The following PPP1R9A variants were observed in gnomAD, a reference collection of about 807,000 sequenced individuals.
PPP1R9A encodes the protein neurabin-1.
Under a neutral mutation model 141.9 loss-of-function variants are expected in PPP1R9A, and 59 were observed. The observed-to-expected ratio is 0.42, with a 90% CI of 0.34 to 0.52. PPP1R9A has a LOEUF of 0.52. Among genes scored for constraint, PPP1R9A ranks in the 20% least tolerant of loss-of-function variants. The pLI is 0.10. For synonymous variants in PPP1R9A, 500 were observed against 569.7 expected (o/e 0.88, Z 1.74); for missense variants, 1,444 against 1,611.9 (o/e 0.90, Z 1.78).
intron 2 of PPP1R9A, among the ~76,000 whole-genome samples, chr7:94,986,647 G>T (rs2151386074): frequency 6.6e-6 from 1 of 152,276 alleles, no homozygotes; most frequent in South Asian, 2.1e-4. Context: ...AAATGTTTGA[G>T]GTGCTGCATA....
intron 6 of PPP1R9A, among the ~76,000 whole-genome samples, chr7:95,199,895 T>C (rs1789158319): frequency 6.6e-6 from 1 of 152,152 alleles, no homozygotes; most frequent in Non-Finnish European, 1.5e-5. Flanking sequence ...TATTCTGAGA[T>C]TGTAGAATCA....
chr7:95,019,569 C>T (rs1268194704), intron 2 of PPP1R9A, among the ~76,000 whole-genome samples: 1 of 151,838 alleles, frequency 6.6e-6, no homozygotes, highest in African/African-American at 2.4e-5. Context: ...ACAGGACAAT[C>T]CAATTTTAAA....
At chr7:95,120,953 A>G (rs1822461994) in intron 4 of PPP1R9A, 121 bp downstream of exon 4, 2 of 1,300,376 alleles carry the variant, frequency 1.5e-6, no homozygotes, top group Non-Finnish European at 1.1e-6. Flanking sequence ...CAGGTTTCTC[A>G]GATGTGAAAA....
At chr7:95,022,868 G>A (rs980430551) in intron 2 of PPP1R9A, among the ~76,000 whole-genome samples, 17 of 152,124 alleles carry the variant, frequency 1.1e-4, no homozygotes, top group Non-Finnish European at 2.5e-4. Flanking sequence ...ATGTCCTGCT[G>A]GATTTGGTTT....
At chr7:95,010,790 C>T (rs1355595555) in intron 2 of PPP1R9A, among the ~76,000 whole-genome samples, 2 of 151,732 alleles carry the variant, frequency 1.3e-5, no homozygotes, top group African/African-American at 4.8e-5. Context: ...CTATTTGAAC[C>T]AGGTACTATT....
intron 2 of PPP1R9A, among the ~76,000 whole-genome samples, chr7:95,066,207 A>G (rs1325648785): frequency 2.6e-5 from 4 of 152,192 alleles, no homozygotes; most frequent in Admixed American, 6.5e-5. Context: ...CAGAGGAAAC[A>G]CTGTGTGGAT....
At chr7:94,973,709 TTTTC>T (rs897680737) in intron 2 of PPP1R9A, among the ~76,000 whole-genome samples, 111 of 151,574 alleles carry the variant, frequency 7.3e-4, no homozygotes, top group Non-Finnish European at 1.2e-3. Flanking sequence ...ATTTTATTTT[TTTTC>T]TTTCTTTCTT....
intron 5 of PPP1R9A, among the ~76,000 whole-genome samples, chr7:95,184,551 T>C (rs536316663): frequency 2.6e-5 from 4 of 152,126 alleles, no homozygotes; most frequent in Non-Finnish European, 5.9e-5. Context: ...TTTCTGAGAT[T>C]TTGGTGCACC....
At chr7:95,176,270 T>C (rs550519845) in intron 5 of PPP1R9A, among the ~76,000 whole-genome samples, 9 of 152,100 alleles carry the variant, frequency 5.9e-5, no homozygotes, top group Admixed American at 2.6e-4. Context: ...AACTACAACT[T>C]CACTGTTAGG....
chr7:95,130,108 A>G (rs1038547231), intron 4 of PPP1R9A, among the ~76,000 whole-genome samples: 1 of 152,196 alleles, frequency 6.6e-6, no homozygotes, highest in Non-Finnish European at 1.5e-5. Context: ...TCTCCAGGGC[A>G]TATCAGAGGT....
intron 8 of PPP1R9A, among the ~76,000 whole-genome samples, chr7:95,234,508 A>C (rs1796411542): frequency 6.6e-6 from 1 of 152,174 alleles, no homozygotes; most frequent in Non-Finnish European, 1.5e-5. Context: ...ACTACAAAAC[A>C]CTGCTGAAAG....
intron 8 of PPP1R9A, among the ~76,000 whole-genome samples, chr7:95,235,289 G>A (rs1796526762): frequency 6.6e-6 from 1 of 152,078 alleles, no homozygotes; most frequent in Non-Finnish European, 1.5e-5. Context: ...CGAATATCCA[G>A]AATCCACAAA....
intron 2 of PPP1R9A, among the ~76,000 whole-genome samples, chr7:95,078,638 A>C (rs547643536): frequency 6.6e-4 from 101 of 152,146 alleles, no homozygotes; most frequent in Non-Finnish European, 1.1e-3. Flanking sequence ...CTCTCCAGCA[A>C]CTGTTGTTTC....
rs1039410438 is a variant in PPP1R9A, at chr7:95,118,925, T to C, written c.1529-1787T>C. 6.7e-5 allele frequency among the ~76,000 whole-genome samples: 10 copies of C among 148,698 alleles called. 1 individual carries two copies. The Admixed American group carries it at 6.7e-4, about 10-fold the overall frequency. ...AGAACCCAGGAGGTTGAGGCTGCAGTGAGCCATGATGGCGCCACTGCACTC... is the reference window on the plus strand; with the variant it reads ...AGAACCCAGGAGGTTGAGGCTGCAGCGAGCCATGATGGCGCCACTGCACTC... On this transcript the variant is annotated intron_variant, in intron 3 of 19. Transcript: ENST00000433360.
intron 16 of PPP1R9A, 119 bp downstream of exon 16, chr7:95,274,287 T>G (rs983324544): frequency 1.1e-6 from 1 of 934,580 alleles, no homozygotes. Flanking sequence ...TGCCAAGAAT[T>G]GAGATGGAAG....
intron 7 of PPP1R9A, among the ~76,000 whole-genome samples, chr7:95,219,535 G>T (rs1461350788): frequency 6.6e-6 from 1 of 152,120 alleles, no homozygotes; most frequent in Non-Finnish European, 1.5e-5. Flanking sequence ...GATTGGGGAA[G>T]TTTTCCTGGA....
chr7:95,077,080 G>C (rs772204747), intron 2 of PPP1R9A, among the ~76,000 whole-genome samples: 35 of 151,886 alleles, frequency 2.3e-4, no homozygotes, highest in Non-Finnish European at 2.6e-4. Context: ...TAAGCCACTT[G>C]TGTAAATATA....
chr7:95,047,813 G>C (rs1360151350), intron 2 of PPP1R9A, among the ~76,000 whole-genome samples: 1 of 152,146 alleles, frequency 6.6e-6, no homozygotes, highest in Non-Finnish European at 1.5e-5. Flanking sequence ...TTAGGCCTTT[G>C]CAGTTGGAAG....
intron 8 of PPP1R9A, among the ~76,000 whole-genome samples, chr7:95,231,839 G>C (rs1000511164): frequency 6.6e-6 from 1 of 151,926 alleles, no homozygotes; most frequent in South Asian, 2.1e-4. Flanking sequence ...CAGAACTGAA[G>C]AAACAAGAAC....
Sources: allele counts gnomAD v4.1 joint callset (sites outside exome capture counted in the v4.1 genomes callset), GRCh38; gene constraint gnomAD v4.1.1; transcripts MANE v1.5; gene names NCBI Gene and HGNC (gene_info 2026-07-23, HGNC 2026-07-21).